DLC1: variants seen among roughly 807,000 people sequenced by gnomAD.
DLC1 encodes the protein DLC1 Rho GTPase activating protein, also known as rho GTPase-activating protein 7.
A neutral mutation model predicts 140.3 loss-of-function variants in DLC1; 54 were observed. The observed-to-expected ratio is 0.38, with a 90% confidence interval of 0.31 to 0.48. The LOEUF (loss-of-function observed/expected upper bound fraction) is 0.48. Ranked by LOEUF, DLC1 falls within the 20% of genes least tolerant of loss-of-function variation. The pLI, the probability that DLC1 is intolerant of heterozygous loss-of-function variation, is 0.96. For missense variants in DLC1, 2,536 were observed against 1,907.0 expected (o/e 1.33, Z -6.14); for synonymous variants, 986 against 728.1 (o/e 1.35, Z -5.70).
chr8:13,192,077 G>C, intron 5 of DLC1, among the ~76,000 whole-genome samples: 1 of 151,842 alleles, frequency 6.6e-6, no homozygotes, highest in Non-Finnish European at 1.5e-5. Context: ...AAGTAGACTA[G>C]CTGGGATTAC....
chr8:13,432,260 C>T (rs1306798355), intron 2 of DLC1, among the ~76,000 whole-genome samples: 1 of 152,098 alleles, frequency 6.6e-6, no homozygotes, highest in Non-Finnish European at 1.5e-5. Context: ...ATTGCATGTC[C>T]TTGACTATGG....
chr8:13,417,360 TC>T (rs1838114374), intron 2 of DLC1, among the ~76,000 whole-genome samples: 1 of 47,392 alleles, frequency 2.1e-5, no homozygotes, highest in Admixed American at 2.0e-4. Flanking sequence ...CCCTCCCACC[TC>T]CCCCCACCCA....
At chr8:13,220,831 T>C (rs1828508133) in intron 5 of DLC1, among the ~76,000 whole-genome samples, 1 of 152,182 alleles carries the variant, frequency 6.6e-6, no homozygotes, top group Admixed American at 6.5e-5. Context: ...GAAATTAGAA[T>C]TGTCAACTGT....
intron 1 of DLC1, among the ~76,000 whole-genome samples, chr8:13,592,987 C>G (rs1188717241): frequency 4.6e-5 from 7 of 152,138 alleles, no homozygotes; most frequent in Admixed American, 1.3e-4. Flanking sequence ...ATTTCCAAGC[C>G]TAAGTGCAAT....
intron 5 of DLC1, among the ~76,000 whole-genome samples, chr8:13,126,834 G>A (rs901358319): frequency 6.6e-6 from 1 of 152,194 alleles, no homozygotes; most frequent in East Asian, 1.9e-4. Flanking sequence ...AAATAAAATA[G>A]TGTGCAAATT....
At chr8:13,090,004 G>C (rs1015877295) in intron 15 of DLC1, among the ~76,000 whole-genome samples, 2 of 152,200 alleles carry the variant, frequency 1.3e-5, no homozygotes, top group Non-Finnish European at 2.9e-5. Context: ...TGATTCTGTA[G>C]AGCCAAAGGA....
intron 5 of DLC1, among the ~76,000 whole-genome samples, chr8:13,231,364 G>A (rs1201160349): frequency 2.6e-5 from 4 of 152,174 alleles, no homozygotes; most frequent in Non-Finnish European, 4.4e-5. Flanking sequence ...ATTTCCCACT[G>A]ATGACTGTGT....
intron 4 of DLC1, among the ~76,000 whole-genome samples, chr8:13,345,018 A>G (rs1180624524): frequency 6.6e-6 from 1 of 152,196 alleles, no homozygotes; most frequent in Non-Finnish European, 1.5e-5. Flanking sequence ...ATAGAATCAT[A>G]TAATTCCAGG....
At chr8:13,279,564 A>G (rs773687539) in intron 5 of DLC1, among the ~76,000 whole-genome samples, 24 of 152,186 alleles carry the variant, frequency 1.6e-4, no homozygotes, top group Non-Finnish European at 3.4e-4. Flanking sequence ...GCAAACTTTA[A>G]TTATAGGTTT....
At chr8:13,392,425 G>C (rs1039609360) in intron 4 of DLC1, among the ~76,000 whole-genome samples, 1 of 152,122 alleles carries the variant, frequency 6.6e-6, no homozygotes, top group Non-Finnish European at 1.5e-5. Flanking sequence ...TAAGCCATGC[G>C]TATCTGTCAT....
At chr8:13,518,552 A>C (rs1387421396), upstream of DLC1, among the ~76,000 whole-genome samples, 2 of 152,230 alleles carry the variant, frequency 1.3e-5, no homozygotes, top group Non-Finnish European at 1.5e-5. Context: ...CATGCAGTTC[A>C]AGAACATTTT....
chr8:13,235,414 A>G (rs1829231158), intron 5 of DLC1, among the ~76,000 whole-genome samples: 1 of 152,050 alleles, frequency 6.6e-6, no homozygotes. Flanking sequence ...CTCAAAGCTT[A>G]TGGCCAGAAG....
At chr8:13,195,268 T>TGTTGAACTTGACA (rs1185840371) in intron 5 of DLC1, among the ~76,000 whole-genome samples, 2 of 119,386 alleles carry the variant, frequency 1.7e-5, no homozygotes, top group Non-Finnish European at 3.7e-5. Context: ...TTGGGATATC[T>TGTTGAACTTGACA]GTTGAACTTG....
At chr8:13,585,673 C>A (rs1056613408) in intron 1 of DLC1, among the ~76,000 whole-genome samples, 2 of 152,128 alleles carry the variant, frequency 1.3e-5, no homozygotes, top group African/African-American at 4.8e-5. Context: ...TGTTCCATGC[C>A]TCTCTTCTAG....
intron 5 of DLC1, among the ~76,000 whole-genome samples, chr8:13,147,180 T>G (rs576608773): frequency 2.0e-5 from 3 of 152,332 alleles, no homozygotes; most frequent in African/African-American, 7.2e-5. Flanking sequence ...AGATTCTTCC[T>G]TAGAACCTAG....
At chr8:13,524,198 C>T (rs10113337) in intron 1 of DLC1, among the ~76,000 whole-genome samples, 42,781 of 149,602 alleles carry the variant, frequency 0.29, 6,903 homozygotes, top group Middle Eastern at 0.36. Context: ...AGTGCAGTGG[C>T]GCTATCTGGG....
intron 4 of DLC1, among the ~76,000 whole-genome samples, chr8:13,355,378 A>G (rs1425218679): frequency 6.6e-6 from 1 of 152,162 alleles, no homozygotes; most frequent in Non-Finnish European, 1.5e-5. Flanking sequence ...ATCTCACACC[A>G]GCTCAGGCTG....
chr8:13,182,650 T>C lies in DLC1; in HGVS notation c.1349-66993A>G, dbSNP rs527348096. 3.3e-5 allele frequency among the ~76,000 whole-genome samples: 5 copies of C among 152,326 alleles called. No individual in the cohort carries two copies. In the East Asian group the frequency reaches 9.6e-4, roughly 29 times the overall value. ...GGTTGTAGATGTGTGGTGTTATTTCTGAGGCCTCTGTTCTGTTCCATTGGT... is the reference window on the plus strand; with the variant it reads ...GGTTGTAGATGTGTGGTGTTATTTCCGAGGCCTCTGTTCTGTTCCATTGGT... On this transcript the variant is annotated intron_variant, in intron 5 of 17. Transcript: ENST00000276297.
chr8:13,095,285 T>A, intron 10 of DLC1, 40 bp from the exon 11 acceptor site: 1 of 1,612,790 alleles, frequency 6.2e-7, no homozygotes, highest in Non-Finnish European at 8.5e-7. Context: ...GGCGGAGACA[T>A]GCTCACTTGT....
Sources: allele counts gnomAD v4.1 joint callset (sites outside exome capture counted in the v4.1 genomes callset), GRCh38; gene constraint gnomAD v4.1.1; transcripts MANE v1.5; gene names NCBI Gene and HGNC (gene_info 2026-07-23, HGNC 2026-07-21).